Variants in KANK2 observed in about 807,000 individuals in gnomAD.
The protein encoded by KANK2 is KN motif and ankyrin repeat domain-containing protein 2.
A neutral mutation model predicts 74.6 loss-of-function variants in KANK2; 41 were observed. The ratio of observed to expected loss-of-function variants is 0.55; its 90% CI spans 0.43 to 0.71. The LOEUF is 0.71. KANK2 is among the 30% of genes least tolerant of loss of function. The pLI, the probability that KANK2 is intolerant of heterozygous loss-of-function variation, is 0.00. For missense variants in KANK2, 1,148 were observed against 1,196.4 expected (o/e 0.96, Z 0.60); for synonymous variants, 537 against 519.0 (o/e 1.03, Z -0.47).
chr19:11,174,041 A>G (rs959366768), intron 9 of KANK2, among the ~76,000 whole-genome samples: 2 of 151,724 alleles, frequency 1.3e-5, no homozygotes, highest in Non-Finnish European at 2.9e-5. Flanking sequence ...TCAAACTGGG[A>G]AAGTCACATT....
At chr19:11,182,453 G>A (rs2078548857) in intron 4 of KANK2, among the ~76,000 whole-genome samples, 1 of 151,586 alleles carries the variant, frequency 6.6e-6, no homozygotes, top group Admixed American at 6.6e-5. Context: ...TTGAGCCCGG[G>A]AGTTTGAAGT....
chr19:11,189,099 C>CCG (rs1568651500), intron 4 of KANK2, among the ~76,000 whole-genome samples: 1 of 4,762 alleles, frequency 2.1e-4, no homozygotes, highest in African/African-American at 3.3e-4. Flanking sequence ...TTGATTCTCT[C>CCG]CCCCCCCACC....
chr19:11,185,885 C>T (rs2147537626), intron 4 of KANK2, among the ~76,000 whole-genome samples: 1 of 152,088 alleles, frequency 6.6e-6, no homozygotes, highest in African/African-American at 2.4e-5. Context: ...CAAAAAATTA[C>T]CTGAATGGGA....
chr19:11,177,605 G>C (rs547159047), intron 6 of KANK2, among the ~76,000 whole-genome samples: 1 of 152,228 alleles, frequency 6.6e-6, no homozygotes, highest in East Asian at 1.9e-4. Context: ...ACCCGCCTCA[G>C]CCTCCCAAAG....
At chr19:11,180,404 T>TA (rs1273414175) in intron 4 of KANK2, among the ~76,000 whole-genome samples, 1 of 152,132 alleles carries the variant, frequency 6.6e-6, no homozygotes. Flanking sequence ...CTTAAATTTT[T>TA]TTTTTTTGCC....
chr19:11,193,664 G>T lies in KANK2; in HGVS notation c.416C>A (p.Ala139Glu), dbSNP rs201796712. 7.5e-6 allele frequency: 12 copies of T among 1,602,764 alleles called. No individual in the cohort carries two copies. In the Middle Eastern group the frequency reaches 8.3e-4, roughly 111 times the overall value. ...GGAGCCCAGGCCGGTGGGTGTGGCCGCCTGGTCCTCGAGACGGCGACGGGC... is the reference window on the plus strand; with the variant it reads ...GGAGCCCAGGCCGGTGGGTGTGGCCTCCTGGTCCTCGAGACGGCGACGGGC... Reference protein sequence around the residue: ...LDARRRLEDQAATPTGLGSLT... With the variant: ...LDARRRLEDQEATPTGLGSLT... The change falls in exon 4 of 13, where the codon GCG becomes GAG. Residue 139 changes from alanine to glutamate, a missense_variant. Transcript: ENST00000586659. The surrounding 1 kb of genome is among the most constrained non-coding windows in gnomAD (Gnocchi z 9.6).
intron 8 of KANK2, among the ~76,000 whole-genome samples, chr19:11,175,269 A>G (rs2078301480): frequency 6.6e-6 from 1 of 151,644 alleles, no homozygotes; most frequent in Admixed American, 6.6e-5. Flanking sequence ...TCTACTCAAA[A>G]TACAAAAAAT....
At chr19:11,184,374 T>A (rs1600818166) in intron 4 of KANK2, among the ~76,000 whole-genome samples, 1 of 148,206 alleles carries the variant, frequency 6.7e-6, no homozygotes, top group Non-Finnish European at 1.5e-5. Context: ...AAACTCTGTC[T>A]CAAAAACAAA....
At chr19:11,172,820 A>G (rs759157616) in intron 10 of KANK2, among the ~76,000 whole-genome samples, 161 bp downstream of exon 10, 8 of 151,778 alleles carry the variant, frequency 5.3e-5, no homozygotes, top group African/African-American at 1.5e-4. Flanking sequence ...CATATCCTCT[A>G]CTCCTTCTAG....
rs1292891005 is a variant in KANK2 at position 11,194,549 on chromosome 19, G to A, written c.-38C>T. 1.9e-6 allele frequency: 3 copies of A among 1,574,122 alleles called. No individual in the cohort carries two copies. The Admixed American group carries it at 5.0e-5, about 26-fold the overall frequency. On this transcript the variant is annotated 5_prime_UTR_variant, in exon 3 of 13. Coordinates refer to ENST00000586659, the MANE Select transcript of KANK2 (RefSeq NM_001136191.3). The stretch of plus-strand genomic sequence containing the variant: ...AGATGCTCCTTGGAAGTCACTTGAG[G>A]GACTGCGAGTCAGACTGCCTGCAGC...
In KANK2 at chr19:11,170,391, A is replaced by AC; in HGVS notation, c.2212-144dup. 1.6e-6 allele frequency: 1 copy of AC among 639,426 alleles called. No homozygotes were observed. The highest frequency in any genetic ancestry group is 2.7e-6 in the Non-Finnish European group (1 of 369,162). 39.6% of individuals were successfully genotyped at this position (639,426 alleles called of 1,614,324 possible). A position where few individuals can be genotyped will look rare whatever the true frequency, so the allele number is the denominator to read the frequency against. On this transcript the variant is annotated intron_variant, in intron 10 of 12. Coordinates refer to ENST00000586659, the MANE Select transcript of KANK2 (RefSeq NM_001136191.3). The surrounding 1 kb of genome is among the most constrained non-coding windows in gnomAD (Gnocchi z 5.2). ...CTGATCTCCTCCTGAATCTCAAACAACCCTCCCGTCACCAGGGGAGTAATA... is the reference window on the plus strand; with the variant it reads ...CTGATCTCCTCCTGAATCTCAAACAACCCCTCCCGTCACCAGGGGAGTAATA...
rs970675167 is a variant in KANK2, at chr19:11,178,564, G to A, written c.1406C>T (p.Ala469Val). ...CACCCACCACTTACCGGTGCCCCCGGCCTCCTCGGACTCTTGGGAGGCTGC... is the reference window on the plus strand; with the variant it reads ...CACCCACCACTTACCGGTGCCCCCGACCTCCTCGGACTCTTGGGAGGCTGC... ...RQAASQESEE[A>V]GGTGGPPAGV... Residue 469 changes from alanine (A) to valine (V), a missense_variant, in exon 5 of 13, where the codon GCC becomes GTC. Coordinates refer to ENST00000586659, the MANE Select transcript of KANK2 (RefSeq NM_001136191.3). 3 of 1,604,098 alleles carry A rather than the reference G, an allele frequency of 1.9e-6. No homozygotes were observed. Among genetic ancestry groups the A allele is most frequent in the East Asian group, 2.3e-5 (1 of 43,858 alleles).
chr19:11,185,658 A>T lies in KANK2; in HGVS notation c.1250-6938T>A, dbSNP rs916498007. On this transcript the variant is annotated intron_variant, in intron 4 of 12. Coordinates refer to ENST00000586659, the MANE Select transcript of KANK2 (RefSeq NM_001136191.3). The stretch of plus-strand genomic sequence containing the variant: ...AACTGCTCAGAGAAAAAATGGAGAA[A>T]GGCTACAAGTAATTGACTTACAGAG... 7.3e-5 allele frequency among the ~76,000 whole-genome samples: 11 copies of T among 150,532 alleles called. 1 individual carries two copies. The highest frequency in any genetic ancestry group is 2.2e-4 in the African/African-American group (9 of 41,032).
chr19:11,169,269 T>C (rs1479840612), intron 12 of KANK2, among the ~76,000 whole-genome samples: 2 of 151,916 alleles, frequency 1.3e-5, no homozygotes, highest in Non-Finnish European at 2.9e-5. Flanking sequence ...ACCTGGGAGA[T>C]ACAGGTTACA....
Position 11,178,561 on chromosome 19 carries a change from C to T in KANK2, c.1409G>A (p.Gly470Glu), listed in dbSNP as rs2078418390. The T allele has an allele frequency of 6.2e-7, 1 of 1,604,474 alleles. No homozygotes were observed. Among genetic ancestry groups the T allele is most frequent in the Non-Finnish European group, 8.5e-7 (1 of 1,176,586 alleles). The change falls in exon 5 of 13, where the codon GGG becomes GAG. Residue 470 changes from glycine to glutamate, a missense_variant. Physicochemically the swap from Gly to Glu is moderately conservative, Grantham distance 98. Coordinates refer to ENST00000586659, the MANE Select transcript of KANK2 (RefSeq NM_001136191.3). ...GGCCACCCACCACTTACCGGTGCCCCCGGCCTCCTCGGACTCTTGGGAGGC... is the reference window on the plus strand; with the variant it reads ...GGCCACCCACCACTTACCGGTGCCCTCGGCCTCCTCGGACTCTTGGGAGGC... ...QAASQESEEA[G>E]GTGGPPAGVR...
Position 11,178,357 on chromosome 19 carries a change from C to T in KANK2, c.1508G>A (p.Gly503Glu). The change falls in exon 6 of 13, where the codon GGG (glycine) becomes GAG (glutamate). Residue 503 changes from glycine to glutamate, a missense_variant. Transcript: ENST00000586659. ...TAHRRSLQFV[G>E]VNGGYESSSE... is the part of the protein sequence containing the mutation. ...CTTCTCCTCTCACCCGCCGTTGACC[C>T]CCACGAACTGGAGGCTCCTCCGGTG... The T allele has an allele frequency of 6.6e-7, 1 of 1,524,462 alleles. No individual in the cohort carries two copies. Among genetic ancestry groups the T allele is most frequent in the Admixed American group, 2.4e-5 (1 of 42,064 alleles). 94.4% of individuals were successfully genotyped at this position (1,524,462 alleles called of 1,614,324 possible).
At chr19:11,181,649 G>T (rs183805173) in intron 4 of KANK2, among the ~76,000 whole-genome samples, 1 of 152,164 alleles carries the variant, frequency 6.6e-6, no homozygotes, top group Admixed American at 6.6e-5. Context: ...TTTCAGTTTG[G>T]AAAGATGAGA....
chr19:11,191,506 G>C (rs924984751), intron 4 of KANK2, among the ~76,000 whole-genome samples: 8 of 152,194 alleles, frequency 5.3e-5, no homozygotes, highest in African/African-American at 1.7e-4. Flanking sequence ...CTTGGGTGGG[G>C]CTCCCCTACC....
At chr19:11,181,084 T>C (rs1347305949) in intron 4 of KANK2, among the ~76,000 whole-genome samples, 14 of 61,386 alleles carry the variant, frequency 2.3e-4, no homozygotes, top group Admixed American at 2.0e-3. Flanking sequence ...GAGACTCTTG[T>C]CTCCAAAAAA....
Sources: allele counts gnomAD v4.1 joint callset (sites outside exome capture counted in the v4.1 genomes callset), GRCh38; gene constraint gnomAD v4.1.1; non-coding constraint Gnocchi (gnomAD v3.1); transcripts MANE v1.5; gene names NCBI Gene and HGNC (gene_info 2026-07-23, HGNC 2026-07-21).